The following KLHL1 variants were observed in gnomAD, a reference collection of about 807,000 sequenced individuals.
KLHL1 encodes kelch-like protein 1.
KLHL1 carries 47 observed loss-of-function variants against 77.7 expected under a neutral mutation model. That is an observed-to-expected ratio of 0.60 (90% confidence interval 0.48 to 0.77). KLHL1 has a LOEUF of 0.77. Ranked by LOEUF, KLHL1 falls within the 30% of genes least tolerant of loss-of-function variation. The pLI is 0.00. For synonymous variants in KLHL1, 360 were observed against 325.2 expected, an observed-to-expected ratio of 1.11 and a Z score of -1.15; for missense variants, 925 against 910.8, an observed-to-expected ratio of 1.02 and a Z score of -0.20.
intron 7 of KLHL1, among the ~76,000 whole-genome samples, chr13:69,742,338 T>C (rs1485168366): frequency 2.6e-5 from 4 of 152,176 alleles, no homozygotes; most frequent in Non-Finnish European, 5.9e-5. Flanking sequence ...AATAACCTCC[T>C]TTTAAATATA....
chr13:70,032,346 C>T (rs1200337732), intron 1 of KLHL1, among the ~76,000 whole-genome samples: 1 of 152,120 alleles, frequency 6.6e-6, no homozygotes, highest in Non-Finnish European at 1.5e-5. Context: ...AAATCTGAAG[C>T]CAATGTGCTT....
chr13:69,770,998 C>T (rs1343011984), intron 7 of KLHL1, among the ~76,000 whole-genome samples: 1 of 152,150 alleles, frequency 6.6e-6, no homozygotes, highest in African/African-American at 2.4e-5. Flanking sequence ...AAAGATACTA[C>T]CTTTAGAGTG....
intron 1 of KLHL1, among the ~76,000 whole-genome samples, chr13:70,008,637 C>G (rs547276279): frequency 6.6e-6 from 1 of 152,018 alleles, no homozygotes; most frequent in African/African-American, 2.4e-5. Flanking sequence ...TCATTTACAA[C>G]CCACAATTAT....
At chr13:69,947,279 C>T (rs1883562728) in intron 3 of KLHL1, among the ~76,000 whole-genome samples, 1 of 151,996 alleles carries the variant, frequency 6.6e-6, no homozygotes. Context: ...GAGGATTCCA[C>T]ATAGTTTGGC....
chr13:69,837,614 C>CTATA (rs1555272466), intron 6 of KLHL1, among the ~76,000 whole-genome samples: 6 of 136,560 alleles, frequency 4.4e-5, no homozygotes, highest in African/African-American at 1.8e-4. Flanking sequence ...ATCTCTCTCT[C>CTATA]TATATATATG....
At chr13:69,828,321 A>G (rs940709645) in intron 6 of KLHL1, among the ~76,000 whole-genome samples, 2 of 150,204 alleles carry the variant, frequency 1.3e-5, no homozygotes, top group African/African-American at 5.0e-5. Context: ...CTAGAGCTGA[A>G]ACAAATGTAG....
intron 4 of KLHL1, among the ~76,000 whole-genome samples, chr13:69,923,738 C>T (rs1177340721): frequency 1.3e-5 from 2 of 152,086 alleles, no homozygotes; most frequent in African/African-American, 2.4e-5. Flanking sequence ...TGCGATGATG[C>T]CAGCTGCAGT....
intron 1 of KLHL1, among the ~76,000 whole-genome samples, chr13:70,009,608 T>C (rs1173168606): frequency 1.3e-5 from 2 of 152,114 alleles, no homozygotes; most frequent in Non-Finnish European, 2.9e-5. Flanking sequence ...AAAAGAAGTA[T>C]GGACGTTGAA....
chr13:70,033,460 GTTTTTT>G (rs561402519), intron 1 of KLHL1, among the ~76,000 whole-genome samples: 3 of 150,988 alleles, frequency 2.0e-5, no homozygotes, highest in African/African-American at 7.3e-5. Flanking sequence ...TGGCTAATTT[GTTTTTT>G]TATTTTTATT....
intron 1 of KLHL1, among the ~76,000 whole-genome samples, chr13:69,993,222 C>G (rs992367043): frequency 6.6e-6 from 1 of 152,050 alleles, no homozygotes; most frequent in African/African-American, 2.4e-5. Flanking sequence ...GGGGAACTTA[C>G]AAACAAGGAT....
At chr13:69,996,160 G>A (rs1233038589) in intron 1 of KLHL1, among the ~76,000 whole-genome samples, 1 of 151,900 alleles carries the variant, frequency 6.6e-6, no homozygotes, top group Non-Finnish European at 1.5e-5. Context: ...AAAATTAGCT[G>A]CGCATGGTAG....
At chr13:69,870,424 A>C (rs1472598454) in intron 5 of KLHL1, among the ~76,000 whole-genome samples, 2 of 152,164 alleles carry the variant, frequency 1.3e-5, no homozygotes, top group South Asian at 2.1e-4. Context: ...AACATTGGGT[A>C]GCAAATTTCA....
intron 5 of KLHL1, among the ~76,000 whole-genome samples, chr13:69,875,853 C>T (rs1407351762): frequency 6.7e-6 from 1 of 148,966 alleles, no homozygotes; most frequent in African/African-American, 2.5e-5. Context: ...TAATCCTATT[C>T]TTTTTTTTTT....
intron 4 of KLHL1, among the ~76,000 whole-genome samples, chr13:69,899,015 C>T (rs1355415298): frequency 1.7e-5 from 1 of 57,418 alleles, no homozygotes; most frequent in Non-Finnish European, 3.6e-5. Flanking sequence ...ATAAAAATTA[C>T]ACATTTTTTT....
intron 1 of KLHL1, among the ~76,000 whole-genome samples, chr13:70,001,868 T>C (rs951863309): frequency 6.6e-6 from 1 of 151,590 alleles, no homozygotes; most frequent in Non-Finnish European, 1.5e-5. Flanking sequence ...AAGCATTATA[T>C]CTAATTAAGG....
chr13:69,731,902 C>T (rs1873558997), intron 8 of KLHL1, among the ~76,000 whole-genome samples: 1 of 151,860 alleles, frequency 6.6e-6, no homozygotes, highest in Non-Finnish European at 1.5e-5. Context: ...TAAAACAAAG[C>T]ATGTAGAAGT....
At chr13:70,036,219 T>C (rs1326472412) in intron 1 of KLHL1, among the ~76,000 whole-genome samples, 1 of 151,996 alleles carries the variant, frequency 6.6e-6, no homozygotes, top group African/African-American at 2.4e-5. Context: ...GAAACATTGC[T>C]GCTAGGGTTA....
At chr13:69,842,595 A>G (rs188608928) in intron 5 of KLHL1, among the ~76,000 whole-genome samples, 1 of 152,002 alleles carries the variant, frequency 6.6e-6, no homozygotes, top group East Asian at 1.9e-4. Context: ...GTTGGAAGGT[A>G]AACTAGTAAA....
At chr13:69,936,647 A>G (rs1481990372) in intron 4 of KLHL1, among the ~76,000 whole-genome samples, 3 of 151,958 alleles carry the variant, frequency 2.0e-5, no homozygotes, top group African/African-American at 7.3e-5. Context: ...ATGTTGAAGC[A>G]TGTTTTGAAT....
Sources: allele counts gnomAD v4.1 joint callset (sites outside exome capture counted in the v4.1 genomes callset), GRCh38; gene constraint gnomAD v4.1.1; transcripts MANE v1.5; gene names NCBI Gene and HGNC (gene_info 2026-07-23, HGNC 2026-07-21).